Variants in CBL observed in about 807,000 individuals in gnomAD.
CBL encodes E3 ubiquitin-protein ligase CBL.
A neutral mutation model predicts 96.9 loss-of-function variants in CBL; 45 were observed. The ratio of observed to expected loss-of-function variants is 0.46; its 90% CI spans 0.37 to 0.60. The LOEUF (loss-of-function observed/expected upper bound fraction) is 0.60, where lower values mean the gene tolerates loss of function less well. Ranked by LOEUF, CBL falls within the 20% of genes least tolerant of loss-of-function variation. The pLI is 0.00. For synonymous variants in CBL, 420 were observed against 426.8 expected (o/e 0.98, Z 0.20); for missense variants, 1,024 against 1,143.5 (o/e 0.90, Z 1.51).
chr11:119,208,572 G>C (rs1421784410), intron 1 of CBL, among the ~76,000 whole-genome samples: 4 of 151,876 alleles, frequency 2.6e-5, no homozygotes, highest in African/African-American at 9.7e-5. Flanking sequence ...TGTATTTTTA[G>C]TAGAGACGGG....
chr11:119,218,430 A>G (rs995968894), intron 1 of CBL, among the ~76,000 whole-genome samples: 2 of 152,236 alleles, frequency 1.3e-5, no homozygotes, highest in African/African-American at 4.8e-5. Flanking sequence ...AAACATTTAC[A>G]GTAGTCCCTT....
chr11:119,250,495 C>T (rs1262042193), intron 2 of CBL, among the ~76,000 whole-genome samples: 3 of 152,202 alleles, frequency 2.0e-5, no homozygotes, highest in Non-Finnish European at 4.4e-5. Context: ...GCCCCAAATT[C>T]TGTCTTCTCA....
In CBL at chr11:119,274,945, A is replaced by G. The variant is rs771883413; in HGVS notation, c.861A>G (p.Lys287=). 2 of 1,613,988 alleles carry G rather than the reference A, an allele frequency of 1.2e-6. No individual in the cohort carries two copies. Among genetic ancestry groups the G allele is most frequent in the East Asian group, 4.5e-5 (2 of 44,872 alleles). The change falls in exon 5 of 16, where the codon AAA becomes AAG. Residue 287 remains lysine (K), a synonymous_variant. Coordinates refer to ENST00000264033, the MANE Select transcript of CBL (RefSeq NM_005188.4). ...CTCGGCTCCAGAAATTCATTCACAA[A>G]CCTGGCAGGTCAGTTCAATGACGCA... The part of the protein sequence containing the change: ...VKARLQKFIH[K]PGSYIFRLSC...
chr11:119,238,505 C>T (rs926957582), intron 2 of CBL, among the ~76,000 whole-genome samples: 4 of 152,010 alleles, frequency 2.6e-5, no homozygotes, highest in African/African-American at 4.8e-5. Context: ...CCACTGTGCC[C>T]GACCCCTAAA....
intron 2 of CBL, among the ~76,000 whole-genome samples, chr11:119,261,663 T>A (rs192345081): frequency 2.0e-5 from 3 of 152,254 alleles, no homozygotes; most frequent in African/African-American, 7.2e-5. Context: ...GTACTGAGGG[T>A]TAATATGCTT....
In CBL at chr11:119,298,352, C is replaced by G. The variant is rs1950077566; in HGVS notation, c.2252-6C>G. On this transcript the variant is annotated splice_polypyrimidine_tract_variant and splice_region_variant and intron_variant, in intron 14 of 15. Coordinates refer to ENST00000264033, the MANE Select transcript of CBL (RefSeq NM_005188.4). ...GAAGAAGATAACATCACTCATTTTTCTCCAGGTGAAGGGAATTTGGCCGCA... is the reference window on the plus strand; with the variant it reads ...GAAGAAGATAACATCACTCATTTTTGTCCAGGTGAAGGGAATTTGGCCGCA... 5 of 1,613,638 alleles carry G rather than the reference C, an allele frequency of 3.1e-6. No homozygotes were observed. In the East Asian group the frequency reaches 1.1e-4, roughly 36 times the overall value.
Position 119,297,402 on chromosome 11 carries a change from G to A in CBL, c.2172G>A (p.Gln724=), listed in dbSNP as rs745578909. The part of the protein sequence containing the change: ...SQSSRACDCD[Q]QIDSCTYEAM... ...GGTTCAGAGCATGTGATTGCGACCA[G>A]CAGATTGATAGCTGTACGTATGAAG... Residue 724 remains glutamine, a synonymous_variant, in exon 14 of 16, where the codon CAG becomes CAA. Transcript: ENST00000264033. 6.2e-7 allele frequency: 1 copy of A among 1,613,616 alleles called. No individual in the cohort carries two copies. The highest frequency in any genetic ancestry group is 1.7e-5 in the Admixed American group (1 of 60,006).
At chr11:119,298,589 G>C (rs150106993) in intron 15 of CBL, 49 bp downstream of exon 15, 18 of 1,509,730 alleles carry the variant, frequency 1.2e-5, no homozygotes, top group Non-Finnish European at 1.5e-5. Context: ...AGTGTGGCCT[G>C]TATGTTTATA....
Position 119,264,364 on chromosome 11 carries a change from CT to C in CBL, c.444-7367del, listed in dbSNP as rs1949779076. Among the ~76,000 whole-genome samples the C allele has an allele frequency of 2.2e-5, 3 of 137,658 alleles. No homozygotes were observed. In the South Asian group the frequency reaches 6.7e-4, roughly 31 times the overall value. 90.3% of individuals were successfully genotyped at this position (137,658 alleles called of 152,430 possible). On this transcript the variant is annotated intron_variant, in intron 2 of 15. Coordinates refer to ENST00000264033, the MANE Select transcript of CBL (RefSeq NM_005188.4). ...TGAGTCCCTATGCCTGACCTCCAGT[CT>C]TTTATTATGATCTTTCTTTTCTTTT... is the stretch of plus-strand genomic sequence containing the variant.
intron 2 of CBL, among the ~76,000 whole-genome samples, chr11:119,245,494 C>T (rs183552647): frequency 6.8e-4 from 103 of 152,030 alleles, no homozygotes; most frequent in African/African-American, 2.2e-3. Context: ...TTTGGGAGAC[C>T]GAGGCAGGTG....
At chr11:119,296,702 A>G (rs1373647944) in intron 12 of CBL, among the ~76,000 whole-genome samples, 1 of 152,220 alleles carries the variant, frequency 6.6e-6, no homozygotes, top group Non-Finnish European at 1.5e-5. Context: ...CCTCTGAAGC[A>G]TAAAAGCTGC....
Position 119,285,254 on chromosome 11 carries a change from A to G in CBL, c.1629A>G (p.Pro543=), listed in dbSNP as rs558577411. Residue 543 remains proline (P), a synonymous_variant, in exon 11 of 16, where the codon CCA becomes CCG. Coordinates refer to ENST00000264033, the MANE Select transcript of CBL (RefSeq NM_005188.4). ...TACCTCCCACACTTCGAGATCTTCC[A>G]CCACCACCGCCTCCAGACCGGCCAT... is the stretch of plus-strand genomic sequence containing the variant. ...LPVPPTLRDL[P]PPPPPDRPYS... 107 of 1,614,012 alleles carry G rather than the reference A, an allele frequency of 6.6e-5. No individual in the cohort carries two copies. The South Asian group carries it at 1.1e-3, about 17-fold the overall frequency.
rs1156439253 is a variant in CBL, at chr11:119,300,446, C to T, written c.*665C>T. ...TTGGTGTTCTGTCATGGGCCATGGG[C>T]TTGCTATGGCCAGCCTTACTGAGGC... On this transcript the variant is annotated 3_prime_UTR_variant, in exon 16 of 16. Transcript: ENST00000264033. The T allele has an allele frequency of 2.5e-6, 1 of 402,788 alleles. No homozygotes were observed. Among genetic ancestry groups the T allele is most frequent in the Non-Finnish European group, 4.4e-6 (1 of 228,330 alleles). 25.0% of individuals were successfully genotyped at this position (402,788 alleles called of 1,614,324 possible).
intron 1 of CBL, among the ~76,000 whole-genome samples, chr11:119,215,595 G>A (rs923523496): frequency 2.6e-5 from 4 of 151,806 alleles, no homozygotes; most frequent in African/African-American, 9.7e-5. Context: ...AAACCCGCCC[G>A]GGAGGGTGGA....
intron 2 of CBL, among the ~76,000 whole-genome samples, chr11:119,254,031 A>G (rs1309885622): frequency 6.6e-6 from 1 of 150,416 alleles, no homozygotes; most frequent in Admixed American, 6.6e-5. Context: ...CTGATTGATG[A>G]AAAATTATAG....
At chr11:119,296,262 TC>T (rs1295722865) in intron 12 of CBL, among the ~76,000 whole-genome samples, 1 of 152,244 alleles carries the variant, frequency 6.6e-6, no homozygotes, top group South Asian at 2.1e-4. Context: ...TGTCTTTTTT[TC>T]CCCCCTACAA....
chr11:119,261,013 A>G (rs138247602), intron 2 of CBL, among the ~76,000 whole-genome samples: 239 of 141,076 alleles, frequency 1.7e-3, no homozygotes, highest in African/African-American at 6.2e-3. Context: ...CCCAGGTTCA[A>G]GCGATTCTGA....
chr11:119,296,167 C>G (rs1258007584), intron 12 of CBL, among the ~76,000 whole-genome samples: 1 of 152,122 alleles, frequency 6.6e-6, no homozygotes, highest in African/African-American at 2.4e-5. Context: ...GAAAGAGATG[C>G]TCCTTGTAGC....
chr11:119,209,746 T>G (rs1013376087), intron 1 of CBL, among the ~76,000 whole-genome samples: 1 of 152,244 alleles, frequency 6.6e-6, no homozygotes, highest in Non-Finnish European at 1.5e-5. Flanking sequence ...TTAATCAGTT[T>G]ATTGAATTAG....
Sources: allele counts gnomAD v4.1 joint callset (sites outside exome capture counted in the v4.1 genomes callset), GRCh38; gene constraint gnomAD v4.1.1; transcripts MANE v1.5; gene names NCBI Gene and HGNC (gene_info 2026-07-23, HGNC 2026-07-21).